The following HNMT variants were observed in gnomAD, a reference collection of about 807,000 sequenced individuals.
HNMT encodes the protein histamine N-methyltransferase.
In HNMT, 30 loss-of-function variants were observed where a neutral mutation model predicts 32.1. The observed-to-expected ratio is 0.93, with a 90% CI of 0.70 to 1.27. HNMT has a LOEUF of 1.27. Ranked by LOEUF, HNMT falls within the 50% of genes most tolerant of loss-of-function variation. The pLI, the probability that HNMT is intolerant of heterozygous loss-of-function variation, is 0.00. For missense variants in HNMT, 327 were observed against 346.0 expected, an observed-to-expected ratio of 0.95 and a Z score of 0.43; for synonymous variants, 125 against 119.0, an observed-to-expected ratio of 1.05 and a Z score of -0.33.
rs1681530601 is a variant in HNMT, at chr2:138,012,321, G to C, written c.524-1454G>C. Among the ~76,000 whole-genome samples, 7 of 152,098 alleles carry C rather than the reference G, an allele frequency of 4.6e-5. 1 individual carries two copies. In the South Asian group the frequency reaches 1.5e-3, roughly 32 times the overall value. On this transcript the variant is annotated intron_variant, in intron 5 of 5. Transcript: ENST00000280097. ...TCATCTCATTCATAAAGCATCAGAA[G>C]AAGAGTTCAGCTCATGTCTGTCTCC... is the stretch of plus-strand genomic sequence containing the variant.
chr2:138,002,701 C>A, intron 4 of HNMT: 1 of 595,888 alleles, frequency 1.7e-6, no homozygotes, highest in Non-Finnish European at 2.1e-6. Context: ...CCCTCTTCAA[C>A]CTCCAAAAGT....
intron 2 of HNMT, among the ~76,000 whole-genome samples, chr2:137,976,721 T>C (rs983373399): frequency 1.3e-5 from 2 of 152,236 alleles, no homozygotes; most frequent in African/African-American, 2.4e-5. Flanking sequence ...AGAACTACTT[T>C]ACATAAACAC....
chr2:137,970,813 G>A (rs572013282), intron 2 of HNMT, among the ~76,000 whole-genome samples: 15 of 151,788 alleles, frequency 9.9e-5, no homozygotes, highest in Admixed American at 7.2e-4. Flanking sequence ...CCAGCTACTC[G>A]GGAGGCTGAG....
intron 1 of HNMT, among the ~76,000 whole-genome samples, 189 bp from the exon 2 acceptor site, chr2:137,969,970 TTGTTAA>T (rs1680072815): frequency 6.6e-6 from 1 of 152,196 alleles, no homozygotes; most frequent in South Asian, 2.1e-4. Flanking sequence ...CAGTTAAAGA[TTGTTAA>T]TGAATAAAAC....
intron 2 of HNMT, among the ~76,000 whole-genome samples, chr2:137,994,280 C>G (rs1410192356): frequency 5.3e-5 from 8 of 152,124 alleles, no homozygotes; most frequent in Non-Finnish European, 8.8e-5. Flanking sequence ...ATTCAGGAGA[C>G]CCATCTCATG....
At chr2:137,983,534 G>C (rs1305159358) in intron 2 of HNMT, among the ~76,000 whole-genome samples, 1 of 152,086 alleles carries the variant, frequency 6.6e-6, no homozygotes. Context: ...ACAAAAGATA[G>C]ATTAATAAGA....
chr2:137,983,444 G>T (rs1680562918), intron 2 of HNMT, among the ~76,000 whole-genome samples: 1 of 151,780 alleles, frequency 6.6e-6, no homozygotes, highest in African/African-American at 2.4e-5. Flanking sequence ...TACATATAGT[G>T]TATACAATAT....
Position 138,002,179 on chromosome 2 carries a change from T to A in HNMT, c.414T>A (p.Phe138Leu). Reference sequence around the variant, plus strand: ...AAAAGGAGCTTCAAAAGTGGGACTTTATTCATATGATTCAAGTAAGAAATA... The same window carrying A: ...AAAAGGAGCTTCAAAAGTGGGACTTAATTCATATGATTCAAGTAAGAAATA... ...LEKKELQKWD[F>L]IHMIQMLYYV... The change falls in exon 4 of 6, where the codon TTT (phenylalanine) becomes TTA (leucine). Residue 138 changes from phenylalanine to leucine, a missense_variant. Transcript: ENST00000280097. 1 of 1,571,952 alleles carries A rather than the reference T, an allele frequency of 6.4e-7. No individual in the cohort carries two copies. The highest frequency in any genetic ancestry group is 8.7e-7 in the Non-Finnish European group (1 of 1,148,940).
intron 2 of HNMT, among the ~76,000 whole-genome samples, chr2:137,982,877 C>A (rs1680544202): frequency 6.6e-6 from 1 of 152,108 alleles, no homozygotes; most frequent in African/African-American, 2.4e-5. Flanking sequence ...CTTTGCTAGC[C>A]ACTTGACATA....
chr2:137,969,350 T>C (rs1680054788), intron 1 of HNMT, among the ~76,000 whole-genome samples: 1 of 152,222 alleles, frequency 6.6e-6, no homozygotes, highest in Non-Finnish European at 1.5e-5. Flanking sequence ...TTCTCCAGAA[T>C]ACATCATTGA....
chr2:137,966,570 A>G (rs1679963719), intron 1 of HNMT, among the ~76,000 whole-genome samples: 1 of 152,138 alleles, frequency 6.6e-6, no homozygotes, highest in African/African-American at 2.4e-5. Flanking sequence ...CTATGCTTAT[A>G]TTTCCTTTTA....
At chr2:138,006,403 T>C (rs1044838651) in intron 5 of HNMT, among the ~76,000 whole-genome samples, 7 of 152,072 alleles carry the variant, frequency 4.6e-5, no homozygotes, top group Non-Finnish European at 8.8e-5. Flanking sequence ...ATTTTTTATC[T>C]TAGAATATAT....
At chr2:137,973,332 A>G (rs1680190440) in intron 2 of HNMT, among the ~76,000 whole-genome samples, 2 of 152,162 alleles carry the variant, frequency 1.3e-5, no homozygotes, top group African/African-American at 2.4e-5. Context: ...GACTACAAGC[A>G]TCAGGCAGAA....
intron 2 of HNMT, among the ~76,000 whole-genome samples, chr2:137,976,042 C>T (rs570317516): frequency 3.2e-4 from 48 of 151,972 alleles, no homozygotes; most frequent in Middle Eastern, 3.4e-3. Flanking sequence ...CAACTGGGGC[C>T]GATCACCTGA....
In HNMT at chr2:137,964,643, G is replaced by C. The variant is rs777436417; in HGVS notation, c.137+15G>C. The C allele has an allele frequency of 2.5e-5, 41 of 1,613,186 alleles. No individual in the cohort carries two copies. The highest frequency in any genetic ancestry group is 3.4e-5 in the Non-Finnish European group (40 of 1,179,392). The stretch of plus-strand genomic sequence containing the variant: ...ATAATAGGAAGGTAACAAAAGGGAC[G>C]TTGTTGTCAAAGGGACAAGCCTCAG... On this transcript the variant is annotated intron_variant, in intron 1 of 5. Transcript: ENST00000280097.
intron 2 of HNMT, among the ~76,000 whole-genome samples, chr2:137,985,714 T>C (rs1445442017): frequency 6.6e-6 from 1 of 152,204 alleles, no homozygotes; most frequent in Non-Finnish European, 1.5e-5. Flanking sequence ...GAAGACCAGT[T>C]CTTTGAGTCA....
chr2:138,002,802 T>A, intron 4 of HNMT: 1 of 969,474 alleles, frequency 1.0e-6, no homozygotes, highest in Non-Finnish European at 1.2e-6. Flanking sequence ...AATGATAGCA[T>A]CATAACATAT....
At chr2:137,995,160 T>G (rs1680950631) in intron 2 of HNMT, among the ~76,000 whole-genome samples, 1 of 151,624 alleles carries the variant, frequency 6.6e-6, no homozygotes, top group African/African-American at 2.4e-5. Context: ...TAGAAATAAC[T>G]ATGATCAGAG....
intron 4 of HNMT, chr2:138,002,800 C>CA (rs1238765253): frequency 1.0e-6 from 1 of 969,220 alleles, no homozygotes; most frequent in African/African-American, 1.8e-5. Context: ...AGAATGATAG[C>CA]ATCATAACAT....
Sources: gnomAD v4.1 joint callset for allele counts (sites outside exome capture counted in the v4.1 genomes callset) on GRCh38, gnomAD v4.1.1 for gene constraint, MANE v1.5 for transcripts, NCBI Gene and HGNC (gene_info 2026-07-23, HGNC 2026-07-21) for gene names.